Variants in LINGO2 observed in about 807,000 individuals in gnomAD.
LINGO2 encodes the protein leucine rich repeat and Ig domain containing 2, also known as leucine-rich repeat and immunoglobulin-like domain-containing nogo receptor-interacting protein 2.
LINGO2 carries 14 observed loss-of-function variants against 30.6 expected under a neutral mutation model. The ratio of observed to expected loss-of-function variants is 0.46; its 90% CI spans 0.30 to 0.72. The LOEUF (loss-of-function observed/expected upper bound fraction) is 0.72. Among genes scored for constraint, LINGO2 ranks in the 30% least tolerant of loss-of-function variants. The pLI is 0.07. For synonymous variants in LINGO2, 317 were observed against 288.5 expected, an observed-to-expected ratio of 1.10 and a Z score of -1.00; for missense variants, 729 against 751.7, an observed-to-expected ratio of 0.97 and a Z score of 0.35.
At chr9:28,543,736 CAT>C (rs1367155707) in intron 1 of LINGO2, among the ~76,000 whole-genome samples, 2 of 151,988 alleles carry the variant, frequency 1.3e-5, no homozygotes, top group African/African-American at 4.8e-5. Flanking sequence ...TTAAATAAAA[CAT>C]ATTTCCTTGC....
At chr9:28,194,340 C>A (rs558316401) in intron 4 of LINGO2, among the ~76,000 whole-genome samples, 18 of 151,810 alleles carry the variant, frequency 1.2e-4, no homozygotes, top group African/African-American at 4.3e-4. Flanking sequence ...AGTCTTTTAC[C>A]AATACTAACC....
At chr9:28,942,578 T>A in the LINGO2 span, among the ~76,000 whole-genome samples, 26 of 152,326 alleles carry the variant, frequency 1.7e-4, no homozygotes, top group African/African-American at 6.0e-4. Context: ...TGTCTCCTTA[T>A]CTTTTCAATT....
At chr9:28,424,446 G>A (rs1427493825) in intron 2 of LINGO2, among the ~76,000 whole-genome samples, 1 of 152,026 alleles carries the variant, frequency 6.6e-6, no homozygotes, top group African/African-American at 2.4e-5. Context: ...GTGGTCGCTT[G>A]GAATCAGTCA....
chr9:28,998,079 C>T, the LINGO2 span, among the ~76,000 whole-genome samples: 1 of 152,222 alleles, frequency 6.6e-6, no homozygotes, highest in Non-Finnish European at 1.5e-5. Context: ...GAACCTAGGT[C>T]TCTTAAATCC....
intron 2 of LINGO2, among the ~76,000 whole-genome samples, chr9:28,396,833 G>T (rs2134720239): frequency 6.6e-6 from 1 of 151,936 alleles, no homozygotes; most frequent in African/African-American, 2.4e-5. Context: ...TTGAGAACTA[G>T]CAAGTTGGCC....
At chr9:28,614,813 A>C (rs1202059879) in intron 1 of LINGO2, among the ~76,000 whole-genome samples, 1 of 152,104 alleles carries the variant, frequency 6.6e-6, no homozygotes, top group Non-Finnish European at 1.5e-5. Context: ...ACTGGGAACA[A>C]GTTTTAATGT....
At chr9:28,893,692 A>C in the LINGO2 span, among the ~76,000 whole-genome samples, 7 of 151,636 alleles carry the variant, frequency 4.6e-5, no homozygotes, top group Non-Finnish European at 8.8e-5. Flanking sequence ...ATTTCTATTG[A>C]TTACTTGTGT....
chr9:29,018,732 CTT>C, the LINGO2 span, among the ~76,000 whole-genome samples: 1 of 151,988 alleles, frequency 6.6e-6, no homozygotes, highest in Non-Finnish European at 1.5e-5. Flanking sequence ...TGCAGCATCT[CTT>C]ATTACTTAGA....
chr9:28,040,634 A>G (rs752392157), intron 4 of LINGO2, among the ~76,000 whole-genome samples: 7 of 152,132 alleles, frequency 4.6e-5, no homozygotes, highest in East Asian at 3.9e-4. Context: ...GCTGTTGGCT[A>G]TAATACATTG....
the LINGO2 span, among the ~76,000 whole-genome samples, chr9:28,863,425 A>C: frequency 6.6e-6 from 1 of 152,146 alleles, no homozygotes. Flanking sequence ...ATGTATATTT[A>C]GGTAAAGTAA....
At chr9:28,530,875 C>G (rs534828855) in intron 1 of LINGO2, among the ~76,000 whole-genome samples, 18 of 151,708 alleles carry the variant, frequency 1.2e-4, no homozygotes, top group African/African-American at 4.3e-4. Flanking sequence ...TTTTCTGCAC[C>G]TAGTCTTTTT....
At chr9:28,446,722 A>G (rs1209107818) in intron 2 of LINGO2, among the ~76,000 whole-genome samples, 3 of 152,230 alleles carry the variant, frequency 2.0e-5, no homozygotes, top group Non-Finnish European at 4.4e-5. Flanking sequence ...CATTCCCTAC[A>G]GAGCAGCCAG....
the LINGO2 span, among the ~76,000 whole-genome samples, chr9:29,003,110 A>T: frequency 6.6e-6 from 1 of 152,032 alleles, no homozygotes; most frequent in Non-Finnish European, 1.5e-5. Context: ...CCAGACGCTA[A>T]GAGTAAGGAA....
At chr9:27,961,627 T>C (rs953601214) in intron 5 of LINGO2, among the ~76,000 whole-genome samples, 1 of 152,226 alleles carries the variant, frequency 6.6e-6, no homozygotes, top group Non-Finnish European at 1.5e-5. Context: ...AAGTGTTTTA[T>C]GCAAAAGAGT....
chr9:28,194,718 C>A (rs1726831783), intron 4 of LINGO2, among the ~76,000 whole-genome samples: 1 of 151,792 alleles, frequency 6.6e-6, no homozygotes, highest in African/African-American at 2.4e-5. Context: ...TAAAAACACA[C>A]CTGCCAATGC....
chr9:28,493,822 G>A (rs1165529215), intron 1 of LINGO2, among the ~76,000 whole-genome samples: 4 of 152,106 alleles, frequency 2.6e-5, no homozygotes, highest in South Asian at 2.1e-4. Flanking sequence ...GTGGAAGAAC[G>A]TGCAAAGACT....
At chr9:28,529,556 C>A (rs1019414322) in intron 1 of LINGO2, among the ~76,000 whole-genome samples, 1 of 150,992 alleles carries the variant, frequency 6.6e-6, no homozygotes, top group Non-Finnish European at 1.5e-5. Context: ...AAAGCCCTAA[C>A]TAAACTATTC....
At chr9:29,150,694 G>T in the LINGO2 span, among the ~76,000 whole-genome samples, 1 of 152,152 alleles carries the variant, frequency 6.6e-6, no homozygotes, top group East Asian at 1.9e-4. Flanking sequence ...CCAGTTATTT[G>T]AATCAACAGT....
chr9:28,567,708 T>G (rs1351465208), intron 1 of LINGO2, among the ~76,000 whole-genome samples: 1 of 151,966 alleles, frequency 6.6e-6, no homozygotes, highest in Non-Finnish European at 1.5e-5. Context: ...ATGTTCCTAT[T>G]TGGGTGACGG....
Sources: gnomAD v4.1 joint callset for allele counts (sites outside exome capture counted in the v4.1 genomes callset) on GRCh38, gnomAD v4.1.1 for gene constraint, MANE v1.5 for transcripts, NCBI Gene and HGNC (gene_info 2026-07-23, HGNC 2026-07-21) for gene names.